The following SIPA1L1 variants were observed in gnomAD, a reference collection of about 807,000 sequenced individuals.
The protein encoded by SIPA1L1 is signal induced proliferation associated 1 like 1.
A neutral mutation model predicts 162.7 loss-of-function variants in SIPA1L1; 26 were observed. The observed-to-expected ratio is 0.16, with a 90% CI of 0.12 to 0.22. The LOEUF (loss-of-function observed/expected upper bound fraction) is 0.22, where lower values mean the gene tolerates loss of function less well. Ranked by LOEUF, SIPA1L1 falls within the 10% of genes least tolerant of loss-of-function variation. SIPA1L1 has a pLI of 1.00. For synonymous variants in SIPA1L1, 829 were observed against 837.4 expected, an observed-to-expected ratio of 0.99 and a Z score of 0.17; for missense variants, 1,874 against 2,241.0, an observed-to-expected ratio of 0.84 and a Z score of 3.31.
intron 2 of SIPA1L1, among the ~76,000 whole-genome samples, chr14:71,422,442 A>G (rs4902932): frequency 0.022 from 3,304 of 152,202 alleles, 116 homozygotes; most frequent in African/African-American, 0.075. Flanking sequence ...ATTTCAGTAA[A>G]ACTGAAATTC....
chr14:71,670,292 TATG>T (rs1322614591), intron 10 of SIPA1L1, among the ~76,000 whole-genome samples: 2 of 152,202 alleles, frequency 1.3e-5, no homozygotes, highest in African/African-American at 4.8e-5. Flanking sequence ...CAAATGTTCA[TATG>T]ATCCTTTTCT....
At chr14:71,414,396 A>T (rs2042613482) in intron 2 of SIPA1L1, among the ~76,000 whole-genome samples, 1 of 151,992 alleles carries the variant, frequency 6.6e-6, no homozygotes, top group Non-Finnish European at 1.5e-5. Context: ...AAAAACAAAA[A>T]CAAAAACAAA....
intron 2 of SIPA1L1, among the ~76,000 whole-genome samples, chr14:71,379,338 C>G (rs139645459): frequency 6.7e-6 from 1 of 149,968 alleles, no homozygotes; most frequent in East Asian, 2.0e-4. Context: ...GGGTCTCACT[C>G]TGTTGCCCAG....
chr14:71,567,961 C>G (rs2031081620), intron 4 of SIPA1L1, among the ~76,000 whole-genome samples: 2 of 152,202 alleles, frequency 1.3e-5, no homozygotes, highest in Non-Finnish European at 2.9e-5. Context: ...GTGGGAATGT[C>G]TTTTAGCATG....
intron 2 of SIPA1L1, among the ~76,000 whole-genome samples, chr14:71,401,871 A>G (rs960291565): frequency 6.6e-6 from 1 of 152,158 alleles, no homozygotes; most frequent in Non-Finnish European, 1.5e-5. Flanking sequence ...CTGAAAAAAT[A>G]TAAAATATGC....
chr14:71,687,229 C>T (rs2080936976), intron 13 of SIPA1L1, among the ~76,000 whole-genome samples: 1 of 152,198 alleles, frequency 6.6e-6, no homozygotes, highest in African/African-American at 2.4e-5. Flanking sequence ...ATAAAAGTTT[C>T]CTCTCCCATA....
At chr14:71,659,242 G>A (rs1042141949) in intron 9 of SIPA1L1, among the ~76,000 whole-genome samples, 10 of 152,200 alleles carry the variant, frequency 6.6e-5, no homozygotes, top group African/African-American at 2.4e-4. Flanking sequence ...AAATGGATAT[G>A]GATTTTTGTT....
intron 4 of SIPA1L1, among the ~76,000 whole-genome samples, chr14:71,581,688 A>T (rs1468855022): frequency 5.3e-5 from 8 of 152,198 alleles, no homozygotes. Flanking sequence ...TATGATAAAA[A>T]CACTCATTTA....
At chr14:71,414,808 C>T (rs1159610618) in intron 2 of SIPA1L1, among the ~76,000 whole-genome samples, 2 of 152,150 alleles carry the variant, frequency 1.3e-5, no homozygotes, top group South Asian at 2.1e-4. Context: ...CTTTGACTGA[C>T]GTATACTGGT....
At chr14:71,506,141 T>C (rs1036709436) in intron 2 of SIPA1L1, among the ~76,000 whole-genome samples, 12 of 152,180 alleles carry the variant, frequency 7.9e-5, no homozygotes, top group African/African-American at 2.7e-4. Context: ...CAAAAAATTA[T>C]AGGTTATAGT....
At chr14:71,563,257 A>G (rs2056933557) in intron 4 of SIPA1L1, among the ~76,000 whole-genome samples, 1 of 149,798 alleles carries the variant, frequency 6.7e-6, no homozygotes, top group Admixed American at 6.6e-5. Flanking sequence ...CTTTTATCAT[A>G]GCATCTAGCT....
chr14:71,573,363 G>T (rs1174083952), intron 4 of SIPA1L1: 1 of 351,836 alleles, frequency 2.8e-6, no homozygotes, highest in Non-Finnish European at 5.6e-6. Context: ...CTCTGCTAAG[G>T]ACTAAGTATC....
intron 12 of SIPA1L1, among the ~76,000 whole-genome samples, chr14:71,681,343 C>G (rs2045790467): frequency 6.6e-6 from 1 of 152,206 alleles, no homozygotes; most frequent in African/African-American, 2.4e-5. Flanking sequence ...CCTGGATGAA[C>G]AGACTAAATT....
chr14:71,590,046 T>A lies in SIPA1L1; in HGVS notation c.1498+676T>A, dbSNP rs992196652. Among the ~76,000 whole-genome samples, 428 of 46,168 alleles carry A rather than the reference T, an allele frequency of 9.3e-3. 1 individual carries two copies. The highest frequency in any genetic ancestry group is 0.026 in the Middle Eastern group (2 of 78). The allele number at this position is 46,168 out of a possible 152,430, so 30.3% of individuals were successfully genotyped here. ...TAAAAAAAAAAAAAAAAAAAAAAAA[T>A]ATATATATATATATATATATATATA... On this transcript the variant is annotated intron_variant, in intron 5 of 23. Coordinates refer to ENST00000381232, the MANE Select transcript of SIPA1L1 (RefSeq NM_001386936.1).
rs371225314 is a variant in SIPA1L1, at chr14:71,516,674, A to T, written c.-362+3829A>T. ...AAGTGTGAGACTTACTTTTTTTAAA[A>T]ATGCCTTTTTTTTTTTGGCTGGGTG... On this transcript the variant is annotated intron_variant, in intron 3 of 23. Transcript: ENST00000381232. 2.0e-5 allele frequency among the ~76,000 whole-genome samples: 3 copies of T among 151,842 alleles called. No individual in the cohort carries two copies. In the East Asian group the frequency reaches 5.8e-4, roughly 29 times the overall value.
chr14:71,432,198 C>T (rs556242109), intron 2 of SIPA1L1, among the ~76,000 whole-genome samples: 6 of 152,160 alleles, frequency 3.9e-5, no homozygotes, highest in African/African-American at 9.6e-5. Context: ...TTTCAGCCTC[C>T]GGAGTAGCTG....
intron 3 of SIPA1L1, among the ~76,000 whole-genome samples, chr14:71,513,049 G>A (rs533346531): frequency 1.6e-4 from 25 of 152,122 alleles, no homozygotes; most frequent in African/African-American, 2.9e-4. Context: ...CTGATGTCTC[G>A]TGTCTCCCTA....
At chr14:71,333,915 A>G (rs2034821358) in intron 2 of SIPA1L1, among the ~76,000 whole-genome samples, 1 of 152,154 alleles carries the variant, frequency 6.6e-6, no homozygotes, top group Non-Finnish European at 1.5e-5. Context: ...TGGTTTCTGG[A>G]TATATCTCAA....
At chr14:71,419,599 G>A (rs1291585082) in intron 2 of SIPA1L1, among the ~76,000 whole-genome samples, 1 of 146,714 alleles carries the variant, frequency 6.8e-6, no homozygotes, top group Non-Finnish European at 1.5e-5. Context: ...CCGGGTTCAC[G>A]CCATTCTCCT....
Sources: allele counts gnomAD v4.1 joint callset (sites outside exome capture counted in the v4.1 genomes callset), GRCh38; gene constraint gnomAD v4.1.1; transcripts MANE v1.5; gene names NCBI Gene and HGNC (gene_info 2026-07-23, HGNC 2026-07-21).